Variants in CPNE2 observed in about 807,000 individuals in gnomAD.
CPNE2 encodes the protein copine 2.
A neutral mutation model predicts 69.7 loss-of-function variants in CPNE2; 42 were observed. That is an observed-to-expected ratio of 0.60 (90% CI 0.47 to 0.78). The LOEUF is 0.78. Ranked by LOEUF, CPNE2 falls within the 30% of genes least tolerant of loss-of-function variation. The pLI is 0.00. For synonymous variants in CPNE2, 294 were observed against 289.8 expected (o/e 1.01, Z -0.15); for missense variants, 587 against 732.0 (o/e 0.80, Z 2.29).
intron 1 of CPNE2, among the ~76,000 whole-genome samples, chr16:57,094,302 G>C (rs184678367): frequency 7.9e-4 from 120 of 152,276 alleles, no homozygotes; most frequent in African/African-American, 2.8e-3. Context: ...TTACAGTAGG[G>C]CGGCTGGGAG....
chr16:57,127,326 T>C (rs2069807591), intron 11 of CPNE2, among the ~76,000 whole-genome samples: 2 of 151,992 alleles, frequency 1.3e-5, no homozygotes, highest in Non-Finnish European at 2.9e-5. Flanking sequence ...ACCCTATGTG[T>C]TTGGGGAATA....
At chr16:57,119,363 A>G (rs777070176) in intron 6 of CPNE2, 85 bp downstream of exon 6, 11 of 1,411,682 alleles carry the variant, frequency 7.8e-6, no homozygotes, top group South Asian at 1.2e-5. Flanking sequence ...AGGTGCGGTC[A>G]CAGCCGCTCA....
chr16:57,145,469 C>A (rs2069950058), intron 14 of CPNE2, among the ~76,000 whole-genome samples: 1 of 152,212 alleles, frequency 6.6e-6, no homozygotes, highest in African/African-American at 2.4e-5. Flanking sequence ...GTCCCACACT[C>A]CTGGAAGCCC....
chr16:57,111,050 T>C, intron 2 of CPNE2, 128 bp downstream of exon 2: 1 of 599,278 alleles, frequency 1.7e-6, no homozygotes. Context: ...TGGCAGGGGA[T>C]TACTTGGTAA....
At chr16:57,112,477 G>A (rs1450881401) in intron 2 of CPNE2, among the ~76,000 whole-genome samples, 1 of 151,894 alleles carries the variant, frequency 6.6e-6, no homozygotes, top group Non-Finnish European at 1.5e-5. Context: ...AAATAGCCCA[G>A]GGCCAAGACC....
chr16:57,117,659 A>C, intron 5 of CPNE2, 92 bp downstream of exon 5: 1 of 1,390,034 alleles, frequency 7.2e-7, no homozygotes, highest in South Asian at 1.2e-5. Flanking sequence ...TCGGGCCACC[A>C]CCTCCATCAC....
At chr16:57,133,623 C>T (rs1372247893) in intron 12 of CPNE2, among the ~76,000 whole-genome samples, 1 of 152,138 alleles carries the variant, frequency 6.6e-6, no homozygotes, top group Admixed American at 6.5e-5. Flanking sequence ...AGACAAAAGC[C>T]CTCCTCCTGC....
chr16:57,138,629 C>T (rs749319312), intron 14 of CPNE2, among the ~76,000 whole-genome samples: 1 of 92,126 alleles, frequency 1.1e-5, no homozygotes, highest in African/African-American at 4.6e-5. Context: ...AGGGCCTCCT[C>T]CCCCAAGCAG....
chr16:57,116,313 C>G (rs2069718951), intron 4 of CPNE2, among the ~76,000 whole-genome samples: 2 of 152,128 alleles, frequency 1.3e-5, no homozygotes, highest in South Asian at 4.1e-4. Context: ...ATACCTCAGG[C>G]TCTTACTCTG....
At chr16:57,106,450 TG>T (rs1453193775) in intron 1 of CPNE2, among the ~76,000 whole-genome samples, 1 of 152,106 alleles carries the variant, frequency 6.6e-6, no homozygotes, top group Non-Finnish European at 1.5e-5. Context: ...AGGGTAGTGA[TG>T]GGGACAGAAG....
chr16:57,119,492 T>C, intron 6 of CPNE2, 69 bp from the exon 7 acceptor site: 1 of 1,377,858 alleles, frequency 7.3e-7, no homozygotes. Context: ...CTGTCCCCAT[T>C]GGGCTGACCC....
intron 5 of CPNE2, among the ~76,000 whole-genome samples, chr16:57,118,601 G>A (rs1000422260): frequency 6.6e-6 from 1 of 151,988 alleles, no homozygotes. Flanking sequence ...AGGATCACTT[G>A]AGGCCAGGAT....
intron 2 of CPNE2, 24 bp downstream of exon 2, chr16:57,110,946 G>A (rs373994137): frequency 2.1e-5 from 34 of 1,599,978 alleles, no homozygotes; most frequent in South Asian, 1.1e-4. Flanking sequence ...GTGTGTCTGC[G>A]GTGGGTAAGG....
rs1259233123 is a variant in CPNE2 at position 57,110,919 on chromosome 16, C to T, written c.177C>T (p.Ile59=). 3.1e-6 allele frequency: 5 copies of T among 1,608,320 alleles called. No homozygotes were observed. The highest frequency in any genetic ancestry group is 1.3e-5 in the African/African-American group (1 of 74,500). The change falls in exon 2 of 16, where the codon ATC becomes ATT. Residue 59 remains isoleucine, a synonymous_variant. Coordinates refer to ENST00000290776, the MANE Select transcript of CPNE2 (RefSeq NM_152727.6). The part of the protein sequence containing the change: ...VLFTENNGRW[I]EYDRTETAIN... ...TTACAGAGAACAATGGCAGATGGAT[C>T]GAGGTGAGGCTCTTCCGTGTGTCTG...
chr16:57,147,522 TC>T, intron 15 of CPNE2, 28 bp from the exon 16 acceptor site: 2 of 1,490,204 alleles, frequency 1.3e-6, no homozygotes, highest in Non-Finnish European at 1.8e-6. Flanking sequence ...TTCTCTCTCT[TC>T]CCCACCCCAC....
rs1386079387 is a variant in CPNE2, at chr16:57,119,508, C to T, written c.592-53C>T. 36 of 1,502,984 alleles carry T rather than the reference C, an allele frequency of 2.4e-5. 1 individual carries two copies. The South Asian group carries it at 4.0e-4, about 17-fold the overall frequency. 93.1% of individuals were successfully genotyped at this position (1,502,984 alleles called of 1,614,324 possible). On this transcript the variant is annotated intron_variant, in intron 6 of 15. Coordinates refer to ENST00000290776, the MANE Select transcript of CPNE2 (RefSeq NM_152727.6). ...TGTCCCCATTGGGCTGACCCAACCC[C>T]AGAGCACTGCTGCCCAGGGCCTGAG...
chr16:57,115,373 G>C (rs1597494942), intron 3 of CPNE2, 103 bp from the exon 4 acceptor site: 1 of 911,416 alleles, frequency 1.1e-6, no homozygotes, highest in African/African-American at 1.7e-5. Flanking sequence ...CCAGGGCGGG[G>C]TGCAGCCCTG....
intron 2 of CPNE2, among the ~76,000 whole-genome samples, chr16:57,112,455 C>T (rs1485886376): frequency 2.0e-5 from 3 of 152,158 alleles, no homozygotes; most frequent in Non-Finnish European, 4.4e-5. Flanking sequence ...CCAGGCCAGC[C>T]ACCCTGGCTA....
intron 1 of CPNE2, among the ~76,000 whole-genome samples, chr16:57,102,431 G>A (rs577000778): frequency 4.1e-4 from 63 of 152,236 alleles, no homozygotes; most frequent in African/African-American, 1.5e-3. Flanking sequence ...ACAGCACCCA[G>A]GAGTGGGCCC....
Sources: allele counts gnomAD v4.1 joint callset (sites outside exome capture counted in the v4.1 genomes callset), GRCh38; gene constraint gnomAD v4.1.1; transcripts MANE v1.5; gene names NCBI Gene and HGNC (gene_info 2026-07-23, HGNC 2026-07-21).